Variants in MAGI1 observed in about 807,000 individuals in gnomAD.
MAGI1 encodes membrane-associated guanylate kinase, WW and PDZ domain-containing protein 1.
MAGI1 carries 58 observed loss-of-function variants against 139.9 expected under a neutral mutation model. The ratio of observed to expected loss-of-function variants is 0.41; its 90% confidence interval spans 0.34 to 0.52. The LOEUF is 0.52. Among genes scored for constraint, MAGI1 ranks in the 20% least tolerant of loss-of-function variants. MAGI1 has a pLI of 0.12. For missense variants in MAGI1, 1,874 were observed against 1,901.6 expected (o/e 0.99, Z 0.27); for synonymous variants, 812 against 737.9 (o/e 1.10, Z -1.63).
intron 3 of MAGI1, among the ~76,000 whole-genome samples, chr3:65,479,482 C>T (rs1051309008): frequency 2.6e-5 from 4 of 152,130 alleles, no homozygotes; most frequent in Admixed American, 2.6e-4. Flanking sequence ...CTATAGTGTG[C>T]TATGTGACTC....
chr3:65,490,843 C>CAA (rs5849677), intron 3 of MAGI1, among the ~76,000 whole-genome samples: 22,326 of 64,456 alleles, frequency 0.35, 4,944 homozygotes, highest in South Asian at 0.45. Context: ...GACTCTGTCT[C>CAA]AAAAAAAAAA....
chr3:65,950,059 C>CAAAAAAAAAAAA (rs1264298678), intron 1 of MAGI1, among the ~76,000 whole-genome samples: 1 of 13,456 alleles, frequency 7.4e-5, no homozygotes, highest in African/African-American at 4.3e-4. Context: ...AAAAAAAAAA[C>CAAAAAAAAAAAA]AAAAAAACAA....
At chr3:65,690,771 G>T in intron 1 of MAGI1, among the ~76,000 whole-genome samples, 1 of 150,822 alleles carries the variant, frequency 6.6e-6, no homozygotes, top group African/African-American at 2.4e-5. Flanking sequence ...TGGGATTACA[G>T]GCATGAGCCA....
At chr3:65,937,412 A>G (rs984394606) in intron 1 of MAGI1, among the ~76,000 whole-genome samples, 4 of 152,084 alleles carry the variant, frequency 2.6e-5, no homozygotes, top group Middle Eastern at 3.2e-3. Flanking sequence ...CAGCTGGCTC[A>G]CCAGGAAATT....
intron 10 of MAGI1, among the ~76,000 whole-genome samples, chr3:65,432,706 A>C (rs1489980448): frequency 6.6e-6 from 1 of 152,192 alleles, no homozygotes; most frequent in Non-Finnish European, 1.5e-5. Flanking sequence ...TTGGGGAGAC[A>C]GCTGCCAAGA....
At chr3:65,524,911 G>C (rs2078317346) in intron 2 of MAGI1, among the ~76,000 whole-genome samples, 2 of 152,172 alleles carry the variant, frequency 1.3e-5, no homozygotes, top group South Asian at 4.1e-4. Flanking sequence ...GCCCATTAAT[G>C]ATCTGCAAAT....
chr3:65,403,406 A>G (rs1490363495), intron 12 of MAGI1, among the ~76,000 whole-genome samples: 2 of 152,174 alleles, frequency 1.3e-5, no homozygotes, highest in Admixed American at 1.3e-4. Context: ...AACAATTTTG[A>G]TATGTCTTTA....
At chr3:66,002,858 G>C (rs72910949) in intron 1 of MAGI1, among the ~76,000 whole-genome samples, 207 of 152,244 alleles carry the variant, frequency 1.4e-3, no homozygotes, top group African/African-American at 4.8e-3. Flanking sequence ...CACTTCAAAG[G>C]TGGCCTTCCT....
Position 65,630,538 on chromosome 3 carries a change from TAA to T in MAGI1, c.314-8452_314-8451del, listed in dbSNP as rs377124742. On this transcript the variant is annotated intron_variant, in intron 1 of 22. Transcript: ENST00000402939. The stretch of plus-strand genomic sequence containing the variant: ...TACACCATGGAATACTACTCAGCCA[TAA>T]AAAGGAACAAAATAATGTCTTTTGC... Among the ~76,000 whole-genome samples, 80 of 152,178 alleles carry T rather than the reference TAA, an allele frequency of 5.3e-4. No individual in the cohort carries two copies. In the South Asian group the frequency reaches 0.016, roughly 31 times the overall value.
chr3:66,028,611 C>T (rs112937247), intron 1 of MAGI1, among the ~76,000 whole-genome samples: 7 of 152,190 alleles, frequency 4.6e-5, no homozygotes, highest in African/African-American at 1.7e-4. Context: ...CAAGAATCAT[C>T]GTTGATGGTA....
chr3:65,355,261 T>TTTCCC lies in MAGI1; in HGVS notation c.*1112_*1116dup, dbSNP rs1209620539. ...AGAATCACTGGGACCACTTCCTTCC[T>TTTCCC]TTCCCTTCTACCAACCTAGAGACTT... On this transcript the variant is annotated 3_prime_UTR_variant, in exon 23 of 23. Transcript: ENST00000402939. 2.0e-5 allele frequency: 3 copies of TTTCCC among 152,248 alleles called. No individual in the cohort carries two copies. Among genetic ancestry groups the TTTCCC allele is most frequent in the Non-Finnish European group, 2.9e-5 (2 of 68,058 alleles). The allele number at this position is 152,248 out of a possible 1,614,324, so 9.4% of individuals were successfully genotyped here.
intron 1 of MAGI1, among the ~76,000 whole-genome samples, chr3:65,930,672 T>G (rs964242420): frequency 6.6e-6 from 1 of 152,154 alleles, no homozygotes; most frequent in African/African-American, 2.4e-5. Flanking sequence ...ACCTTGCTGA[T>G]TAAACAGGTT....
chr3:65,788,306 A>G (rs189978055), intron 1 of MAGI1, among the ~76,000 whole-genome samples: 1 of 152,338 alleles, frequency 6.6e-6, no homozygotes, highest in Admixed American at 6.5e-5. Context: ...ACAAATAATA[A>G]TTTTTATTTA....
chr3:65,875,814 C>A (rs1320694491), intron 1 of MAGI1, among the ~76,000 whole-genome samples: 1 of 152,194 alleles, frequency 6.6e-6, no homozygotes, highest in Non-Finnish European at 1.5e-5. Context: ...CACTGCTGTT[C>A]CTGTCTCAGC....
rs375757092 is a variant in MAGI1 at position 65,808,164 on chromosome 3, T to C, written c.314-186076A>G. On this transcript the variant is annotated intron_variant, in intron 1 of 22. Coordinates refer to ENST00000402939, the MANE Select transcript of MAGI1 (RefSeq NM_001033057.2). Reference sequence around the variant, plus strand: ...CCACGCCCAGCTAATTTTGTATTTTTAGTAGAGACACGGTTTCTCCTTGTT... The same window carrying C: ...CCACGCCCAGCTAATTTTGTATTTTCAGTAGAGACACGGTTTCTCCTTGTT... Among the ~76,000 whole-genome samples the C allele has an allele frequency of 2.0e-4, 30 of 152,216 alleles. No homozygotes were observed. In the East Asian group the frequency reaches 4.1e-3, roughly 21 times the overall value.
intron 2 of MAGI1, among the ~76,000 whole-genome samples, chr3:65,612,131 C>G (rs563357265): frequency 2.8e-4 from 43 of 152,128 alleles, no homozygotes; most frequent in African/African-American, 9.6e-4. Context: ...GGAAGAGAGA[C>G]AAAAACATAA....
At chr3:65,678,519 G>A (rs1274093052) in intron 1 of MAGI1, among the ~76,000 whole-genome samples, 2 of 152,048 alleles carry the variant, frequency 1.3e-5, no homozygotes, top group Non-Finnish European at 2.9e-5. Context: ...TAAGGGAAAC[G>A]TACATACAGA....
chr3:65,946,856 T>C (rs1390235332), intron 1 of MAGI1, among the ~76,000 whole-genome samples: 2 of 152,206 alleles, frequency 1.3e-5, no homozygotes, highest in African/African-American at 4.8e-5. Context: ...AAAAAGTGGA[T>C]AGCTGGAGAA....
At chr3:65,610,742 G>GTATACACTATATACTATATATA (rs1553679998) in intron 2 of MAGI1, among the ~76,000 whole-genome samples, 1 of 121,318 alleles carries the variant, frequency 8.2e-6, no homozygotes, top group Non-Finnish European at 1.7e-5. Flanking sequence ...ATAGTATATA[G>GTATACACTATATACTATATATA]TATATATACA....
Sources: allele counts gnomAD v4.1 joint callset (sites outside exome capture counted in the v4.1 genomes callset), GRCh38; gene constraint gnomAD v4.1.1; transcripts MANE v1.5; gene names NCBI Gene and HGNC (gene_info 2026-07-23, HGNC 2026-07-21).